Variants in VPS53 observed in about 807,000 individuals in gnomAD.
VPS53 encodes vacuolar protein sorting-associated protein 53 homolog.
In VPS53, 70 loss-of-function variants were observed where a neutral mutation model predicts 107.0. That is an observed-to-expected ratio of 0.65 (90% CI 0.54 to 0.80). VPS53 has a LOEUF of 0.80. VPS53 is among the 30% of genes least tolerant of loss of function. The probability of loss-of-function intolerance (pLI) is 0.00; values close to 1 mark genes in which losing one functional copy is unlikely to be tolerated. For synonymous variants in VPS53, 409 were observed against 393.3 expected (o/e 1.04, Z -0.47); for missense variants, 917 against 1,049.4 (o/e 0.87, Z 1.74).
intron 12 of VPS53, among the ~76,000 whole-genome samples, chr17:590,026 A>G (rs1967555582): frequency 6.6e-6 from 1 of 152,120 alleles, no homozygotes; most frequent in Non-Finnish European, 1.5e-5. Flanking sequence ...ATGTTCTCCC[A>G]TTTGTTTGTA....
intron 4 of VPS53, among the ~76,000 whole-genome samples, chr17:662,148 T>G (rs1445821318): frequency 1.3e-5 from 2 of 152,168 alleles, no homozygotes; most frequent in Non-Finnish European, 2.9e-5. Context: ...CCCCTCTACC[T>G]CAGTCATTAC....
chr17:641,692 C>G (rs1168713505), intron 7 of VPS53, among the ~76,000 whole-genome samples: 1 of 152,014 alleles, frequency 6.6e-6, no homozygotes, highest in Non-Finnish European at 1.5e-5. Context: ...TGGGCTCAAG[C>G]GATCTGCCCA....
At chr17:608,478 C>A (rs1388433839) in intron 11 of VPS53, among the ~76,000 whole-genome samples, 2 of 151,970 alleles carry the variant, frequency 1.3e-5, no homozygotes, top group Non-Finnish European at 2.9e-5. Flanking sequence ...AAAAATATAC[C>A]CCAAAGAATT....
chr17:691,972 G>A (rs1032755008), intron 4 of VPS53, among the ~76,000 whole-genome samples: 1 of 152,166 alleles, frequency 6.6e-6, no homozygotes, highest in South Asian at 2.1e-4. Flanking sequence ...GTCTTGGAAT[G>A]TATCCCCCAC....
intron 7 of VPS53, among the ~76,000 whole-genome samples, chr17:643,573 C>T (rs373283402): frequency 4.1e-4 from 54 of 132,382 alleles, no homozygotes; most frequent in Middle Eastern, 4.3e-3. Context: ...ACTTGGAAAC[C>T]GAGGACAACA....
chr17:693,554 T>C (rs1043143576), intron 4 of VPS53, among the ~76,000 whole-genome samples: 1 of 152,118 alleles, frequency 6.6e-6, no homozygotes, highest in Non-Finnish European at 1.5e-5. Flanking sequence ...AGAACCCATC[T>C]CTACCAAAAA....
intron 12 of VPS53, among the ~76,000 whole-genome samples, chr17:593,958 A>C (rs1160161294): frequency 1.3e-5 from 2 of 152,220 alleles, no homozygotes; most frequent in African/African-American, 4.8e-5. Flanking sequence ...GCACATATAC[A>C]CCATGGAATA....
At chr17:608,554 T>A (rs1249522415) in intron 11 of VPS53, among the ~76,000 whole-genome samples, 1 of 152,004 alleles carries the variant, frequency 6.6e-6, no homozygotes, top group African/African-American at 2.4e-5. Context: ...TATTTAAAAT[T>A]TTTTTTTCTA....
chr17:553,574 CTTTTTTT>C, intron 15 of VPS53, 112 bp from the exon 16 acceptor site: 2 of 553,104 alleles, frequency 3.6e-6, no homozygotes, highest in Non-Finnish European at 6.0e-6. Flanking sequence ...ATTCCATACA[CTTTTTTT>C]TTTTTTTTTT....
At chr17:577,350 C>T (rs571351587) in intron 13 of VPS53, among the ~76,000 whole-genome samples, 1 of 152,058 alleles carries the variant, frequency 6.6e-6, no homozygotes, top group South Asian at 2.1e-4. Context: ...ACAGAACCTC[C>T]CTCAGGACCT....
At chr17:521,236 C>T (rs947193925) in intron 20 of VPS53, among the ~76,000 whole-genome samples, 1 of 152,144 alleles carries the variant, frequency 6.6e-6, no homozygotes, top group Non-Finnish European at 1.5e-5. Flanking sequence ...GTACAGAAAG[C>T]CAAAAAGGCT....
intron 13 of VPS53, among the ~76,000 whole-genome samples, chr17:581,418 T>G (rs1417390951): frequency 6.6e-6 from 1 of 151,350 alleles, no homozygotes; most frequent in South Asian, 2.1e-4. Flanking sequence ...CAGAACCTAA[T>G]GCATTCCCAG....
intron 19 of VPS53, among the ~76,000 whole-genome samples, chr17:531,439 G>A (rs994709450): frequency 6.6e-6 from 1 of 152,156 alleles, no homozygotes; most frequent in Non-Finnish European, 1.5e-5. Flanking sequence ...GTAAGCACTG[G>A]ATGAACTGAT....
At chr17:555,989 T>C (rs1329859479) in intron 15 of VPS53, among the ~76,000 whole-genome samples, 1 of 152,082 alleles carries the variant, frequency 6.6e-6, no homozygotes, top group Non-Finnish European at 1.5e-5. Context: ...GACTTAATAA[T>C]CTGAGCAGGC....
At chr17:585,580 T>G (rs1217940278) in intron 13 of VPS53, among the ~76,000 whole-genome samples, 16 of 151,888 alleles carry the variant, frequency 1.1e-4, no homozygotes, top group Admixed American at 4.6e-4. Flanking sequence ...AGATGGAGGA[T>G]GCAGTAAGTC....
chr17:614,238 T>C (rs1242138308), intron 11 of VPS53, among the ~76,000 whole-genome samples: 2 of 152,202 alleles, frequency 1.3e-5, no homozygotes, highest in Admixed American at 1.3e-4. Flanking sequence ...CTGAACTGTA[T>C]ACTTTAAACG....
intron 8 of VPS53, among the ~76,000 whole-genome samples, 154 bp from the exon 9 acceptor site, chr17:628,385 C>T (rs1376346747): frequency 2.6e-5 from 4 of 152,200 alleles, no homozygotes; most frequent in African/African-American, 4.8e-5. Flanking sequence ...CTGTCAGTTA[C>T]CTGCTGCTCC....
At chr17:596,074 A>C (rs1967958942) in intron 12 of VPS53, among the ~76,000 whole-genome samples, 1 of 152,280 alleles carries the variant, frequency 6.6e-6, no homozygotes, top group Non-Finnish European at 1.5e-5. Flanking sequence ...AGATCAGTAC[A>C]CTGTACCTCG....
At chr17:568,465 T>A (rs1204820148) in intron 13 of VPS53, among the ~76,000 whole-genome samples, 1 of 152,064 alleles carries the variant, frequency 6.6e-6, no homozygotes, top group Admixed American at 6.6e-5. Flanking sequence ...CAGGCTGGTC[T>A]CGAACTCCTG....
Sources: allele counts gnomAD v4.1 joint callset (sites outside exome capture counted in the v4.1 genomes callset), GRCh38; gene constraint gnomAD v4.1.1; transcripts MANE v1.5; gene names NCBI Gene and HGNC (gene_info 2026-07-23, HGNC 2026-07-21).